HECW1: variants seen among roughly 807,000 people sequenced by gnomAD.
HECW1 encodes E3 ubiquitin-protein ligase HECW1.
HECW1 carries 61 observed loss-of-function variants against 182.3 expected under a neutral mutation model. The observed-to-expected ratio is 0.33, with a 90% CI of 0.27 to 0.41. HECW1 has a LOEUF of 0.41. HECW1 is among the 10% of genes least tolerant of loss of function. The pLI is 1.00. For missense variants in HECW1, 1,739 were observed against 2,108.9 expected (o/e 0.82, Z 3.44); for synonymous variants, 859 against 832.6 (o/e 1.03, Z -0.55).
intron 26 of HECW1, among the ~76,000 whole-genome samples, chr7:43,546,219 CTTT>C (rs34255651): frequency 1.3e-4 from 12 of 91,880 alleles, no homozygotes; most frequent in African/African-American, 4.6e-4. Flanking sequence ...TACCCCCAAC[CTTT>C]TTTTTTTTTT....
intron 2 of HECW1, among the ~76,000 whole-genome samples, chr7:43,217,760 T>C (rs140297561): frequency 6.6e-6 from 1 of 152,306 alleles, no homozygotes; most frequent in African/African-American, 2.4e-5. Flanking sequence ...TGGCGTATGG[T>C]TTGGAGGACT....
At chr7:43,349,299 G>C (rs950396731) in intron 5 of HECW1, among the ~76,000 whole-genome samples, 20 of 152,294 alleles carry the variant, frequency 1.3e-4, no homozygotes, top group African/African-American at 4.8e-4. Context: ...CTCCCAAAGT[G>C]CTGGGATTAC....
Position 43,465,196 on chromosome 7 carries a change from C to G in HECW1, c.2792-1251C>G, listed in dbSNP as rs191455329. ...GGAAAAAGCAGCAGAAAGTTTATTT[C>G]TGAGTTTGATATTAAATAAGTTGGC... is the stretch of plus-strand genomic sequence containing the variant. On this transcript the variant is annotated intron_variant, in intron 14 of 29. Coordinates refer to ENST00000395891, the MANE Select transcript of HECW1 (RefSeq NM_015052.5). Among the ~76,000 whole-genome samples, 3 of 152,300 alleles carry G rather than the reference C, an allele frequency of 2.0e-5. No homozygotes were observed. In the East Asian group the frequency reaches 5.8e-4, roughly 29 times the overall value.
chr7:43,376,044 A>G (rs2074311125), intron 6 of HECW1, among the ~76,000 whole-genome samples: 1 of 143,994 alleles, frequency 6.9e-6, no homozygotes, highest in Admixed American at 6.8e-5. Context: ...ATATACACAC[A>G]TATATATACA....
intron 2 of HECW1, among the ~76,000 whole-genome samples, chr7:43,135,281 G>A (rs1393825065): frequency 6.6e-6 from 1 of 152,098 alleles, no homozygotes; most frequent in Non-Finnish European, 1.5e-5. Flanking sequence ...GAGCTCCTGA[G>A]AATGCTCTTT....
intron 26 of HECW1, among the ~76,000 whole-genome samples, chr7:43,550,145 A>G (rs1233578085): frequency 1.3e-5 from 2 of 152,050 alleles, no homozygotes; most frequent in African/African-American, 2.4e-5. Flanking sequence ...AAAATTAACC[A>G]GGCGGAGTGG....
At chr7:43,256,304 A>G (rs1433845054) in intron 3 of HECW1, among the ~76,000 whole-genome samples, 1 of 152,210 alleles carries the variant, frequency 6.6e-6, no homozygotes, top group Non-Finnish European at 1.5e-5. Flanking sequence ...CAAGCCAAGT[A>G]AAAACATAGT....
intron 2 of HECW1, among the ~76,000 whole-genome samples, chr7:43,158,787 G>A (rs549913991): frequency 6.6e-6 from 1 of 152,250 alleles, no homozygotes; most frequent in Admixed American, 6.5e-5. Context: ...CATGCTCGTG[G>A]TTTACTTTCT....
chr7:43,392,547 T>C (rs754436408), intron 6 of HECW1, among the ~76,000 whole-genome samples: 1 of 152,176 alleles, frequency 6.6e-6, no homozygotes, highest in Non-Finnish European at 1.5e-5. Context: ...ACCCAAAATT[T>C]TGGGTAAAAT....
chr7:43,481,314 A>G (rs1221215024), intron 17 of HECW1, among the ~76,000 whole-genome samples: 1 of 152,220 alleles, frequency 6.6e-6, no homozygotes, highest in Non-Finnish European at 1.5e-5. Context: ...ATGAAGTTGA[A>G]TATGCCTTTA....
chr7:43,362,223 C>A (rs1816048496), intron 6 of HECW1, among the ~76,000 whole-genome samples: 1 of 151,494 alleles, frequency 6.6e-6, no homozygotes, highest in South Asian at 2.1e-4. Flanking sequence ...AAAAATATTC[C>A]ATTTTGCTGC....
At chr7:43,250,956 ACCT>A (rs1799963952) in intron 3 of HECW1, among the ~76,000 whole-genome samples, 1 of 151,938 alleles carries the variant, frequency 6.6e-6, no homozygotes, top group African/African-American at 2.4e-5. Context: ...TACTTAGCTC[ACCT>A]CCTCTGAAGG....
chr7:43,474,744 G>T (rs1283617640), intron 16 of HECW1, among the ~76,000 whole-genome samples: 6 of 152,056 alleles, frequency 3.9e-5, no homozygotes, highest in Non-Finnish European at 8.8e-5. Context: ...ATTAGAAATA[G>T]AGTTTACATG....
At chr7:43,154,413 G>A (rs117039808) in intron 2 of HECW1, among the ~76,000 whole-genome samples, 1,739 of 152,154 alleles carry the variant, frequency 0.011, 16 homozygotes, top group Non-Finnish European at 0.019. Context: ...ATCTGTCAAA[G>A]ACAAAATAAA....
rs1399375585 is a variant in HECW1 at position 43,492,190 on chromosome 7, A to G, written c.3340+10A>G. 6.4e-7 allele frequency: 1 copy of G among 1,569,932 alleles called. No individual in the cohort carries two copies. Among genetic ancestry groups the G allele is most frequent in the Non-Finnish European group, 8.6e-7 (1 of 1,157,830 alleles). ...GAGTCATTGCCACTGGGTATGTATC[A>G]TGCTTGTTTGAGCCCCTGGCTCAAA... is the stretch of plus-strand genomic sequence containing the variant. On this transcript the variant is annotated intron_variant, in intron 18 of 29. Coordinates refer to ENST00000395891, the MANE Select transcript of HECW1 (RefSeq NM_015052.5).
At chr7:43,373,015 A>T (rs1358606165) in intron 6 of HECW1, among the ~76,000 whole-genome samples, 1 of 152,134 alleles carries the variant, frequency 6.6e-6, no homozygotes, top group Admixed American at 6.6e-5. Flanking sequence ...AAATCCAGAG[A>T]TGAAGAAAGT....
chr7:43,200,704 A>T (rs780174898), intron 2 of HECW1, among the ~76,000 whole-genome samples: 54 of 152,332 alleles, frequency 3.5e-4, no homozygotes, highest in Non-Finnish European at 6.8e-4. Context: ...CAGCTCTTGC[A>T]GGAGCAATTT....
At chr7:43,167,264 T>C (rs1459529408) in intron 2 of HECW1, among the ~76,000 whole-genome samples, 4 of 152,130 alleles carry the variant, frequency 2.6e-5, no homozygotes, top group Non-Finnish European at 5.9e-5. Context: ...ACTCCAGCCC[T>C]TGCCTTCATC....
intron 6 of HECW1, among the ~76,000 whole-genome samples, chr7:43,387,373 G>T (rs2074842569): frequency 6.6e-6 from 1 of 152,112 alleles, no homozygotes; most frequent in Admixed American, 6.5e-5. Flanking sequence ...GTGTCTTTCT[G>T]ATTAAAGGAC....
Sources: gnomAD v4.1 joint callset for allele counts (sites outside exome capture counted in the v4.1 genomes callset) on GRCh38, gnomAD v4.1.1 for gene constraint, MANE v1.5 for transcripts, NCBI Gene and HGNC (gene_info 2026-07-23, HGNC 2026-07-21) for gene names.